The following TTI1 variants were observed in gnomAD, a reference collection of about 807,000 sequenced individuals.
TTI1 encodes TELO2-interacting protein 1 homolog.
A neutral mutation model predicts 85.4 loss-of-function variants in TTI1; 52 were observed. The observed-to-expected ratio is 0.61, with a 90% CI of 0.49 to 0.77. The LOEUF is 0.77. Among genes scored for constraint, TTI1 ranks in the 30% least tolerant of loss-of-function variants. The pLI, the probability that TTI1 is intolerant of heterozygous loss-of-function variation, is 0.00. For synonymous variants in TTI1, 512 were observed against 503.9 expected (o/e 1.02, Z -0.22); for missense variants, 1,173 against 1,296.0 (o/e 0.91, Z 1.46).
chr20:38,015,559 G>A (rs2073670745), intron 1 of TTI1, among the ~76,000 whole-genome samples: 1 of 152,100 alleles, frequency 6.6e-6, no homozygotes, highest in African/African-American at 2.4e-5. Context: ...CAGCAGTCAT[G>A]GGTAGAAAAA....
intron 3 of TTI1, among the ~76,000 whole-genome samples, chr20:38,005,547 T>C (rs2073484036): frequency 2.0e-5 from 3 of 152,180 alleles, no homozygotes; most frequent in Admixed American, 2.0e-4. Context: ...ACCTCACTGG[T>C]AATCAAAGAA....
At chr20:37,987,381 C>A (rs998303581) in intron 7 of TTI1, 4 of 456,492 alleles carry the variant, frequency 8.8e-6, no homozygotes, top group Non-Finnish European at 1.8e-5. Context: ...ATACATTTTG[C>A]GATGCGCAGG....
chr20:37,998,247 GCA>G (rs1317148091), intron 5 of TTI1, among the ~76,000 whole-genome samples: 1 of 142,760 alleles, frequency 7.0e-6, no homozygotes, highest in Non-Finnish European at 1.5e-5. Context: ...TCTTTCTTTG[GCA>G]CACATACATA....
intron 4 of TTI1, chr20:38,000,339 G>T (rs757680661): frequency 1.9e-5 from 3 of 154,726 alleles, no homozygotes; most frequent in Non-Finnish European, 1.5e-5. Context: ...AAAGGGTTAG[G>T]CTACCCTACA....
chr20:37,999,355 G>T, intron 4 of TTI1, 27 bp from the exon 5 acceptor site: 1 of 1,360,550 alleles, frequency 7.3e-7, no homozygotes, highest in South Asian at 2.1e-5. Flanking sequence ...TTCAGCAGAT[G>T]GTATAGGCTT....
rs767985609 is a variant in TTI1 at position 38,012,106 on chromosome 20, A to T, written c.1711T>A (p.Tyr571Asn). The T allele has an allele frequency of 6.2e-7, 1 of 1,614,154 alleles. No homozygotes were observed. The highest frequency in any genetic ancestry group is 8.5e-7 in the Non-Finnish European group (1 of 1,180,030). ...LEEYTSQENW[Y>N]LVTCLETEEM... ...TCAGTTTCAAGACAGGTAACCAAATACCAATTTTCTTGACTTGTGTATTCT... is the reference window on the plus strand; with the variant it reads ...TCAGTTTCAAGACAGGTAACCAAATTCCAATTTTCTTGACTTGTGTATTCT... Residue 571 changes from tyrosine (Y) to asparagine (N), a missense_variant, in exon 2 of 8, where the codon TAT becomes AAT. Transcript: ENST00000373447.
chr20:38,031,409 G>A (rs1429511919), intron 1 of TTI1, among the ~76,000 whole-genome samples: 1 of 152,138 alleles, frequency 6.6e-6, no homozygotes, highest in African/African-American at 2.4e-5. Context: ...TATAAACTTG[G>A]TTTTCCCTCT....
intron 1 of TTI1, chr20:38,018,948 G>A (rs557755324): frequency 6.6e-6 from 1 of 152,104 alleles, no homozygotes; most frequent in South Asian, 2.1e-4. Context: ...CCAGGAGTTT[G>A]AAACCAACCT....
At chr20:38,007,657 C>T (rs1301884507) in intron 2 of TTI1, among the ~76,000 whole-genome samples, 1 of 152,222 alleles carries the variant, frequency 6.6e-6, no homozygotes, top group Non-Finnish European at 1.5e-5. Context: ...CCTCCTTTTG[C>T]AGACAGCTGG....
Position 37,983,290 on chromosome 20 carries a change from A to T in TTI1, c.*166T>A. 1 of 659,654 alleles carries T rather than the reference A, an allele frequency of 1.5e-6. No homozygotes were observed. Among genetic ancestry groups the T allele is most frequent in the East Asian group, 3.0e-5 (1 of 33,530 alleles). The allele number at this position is 659,654 out of a possible 1,614,324, so 40.9% of individuals were successfully genotyped here. ...AAATAATAGTCAGCTACTTTCCTTCAATCCATTTCTAAGCAGTTGTGTGAT... is the reference window on the plus strand; with the variant it reads ...AAATAATAGTCAGCTACTTTCCTTCTATCCATTTCTAAGCAGTTGTGTGAT... On this transcript the variant is annotated 3_prime_UTR_variant, in exon 8 of 8. Coordinates refer to ENST00000373447, the MANE Select transcript of TTI1 (RefSeq NM_001303457.2).
rs2273350 is a variant in TTI1 at position 37,999,093 on chromosome 20, A to G, written c.2793+95T>C. The G allele has an allele frequency of 1.1e-4, 144 of 1,261,760 alleles. No individual in the cohort carries two copies. In the East Asian group the frequency reaches 4.0e-3, roughly 35 times the overall value. 78.2% of individuals were successfully genotyped at this position (1,261,760 alleles called of 1,614,324 possible). A position where few individuals can be genotyped will look rare whatever the true frequency, so the allele number is the denominator to read the frequency against. ...TTTCTTCACAGTATGTGACATTGCA[A>G]TCGGGTGAAGAGAACCAATCCAAAA... On this transcript the variant is annotated intron_variant, in intron 5 of 7. Transcript: ENST00000373447.
chr20:38,026,911 A>G (rs188696533), intron 1 of TTI1, among the ~76,000 whole-genome samples: 1 of 152,336 alleles, frequency 6.6e-6, no homozygotes. Flanking sequence ...GAGTAAAGAG[A>G]CATAAAAGGA....
At position 38,011,796 on chromosome 20, in the gene TTI1, G is replaced by A. The variant is rs760836587; in HGVS notation, c.2021C>T (p.Thr674Ile). 4 of 1,614,106 alleles carry A rather than the reference G, an allele frequency of 2.5e-6. No individual in the cohort carries two copies. The highest frequency in any genetic ancestry group is 1.7e-5 in the Admixed American group (1 of 60,008). The change falls in exon 2 of 8, where the codon ACC becomes ATC. Residue 674 changes from threonine (T) to isoleucine (I), a missense_variant. Thr to Ile is a moderately conservative substitution (Grantham distance 89). Coordinates refer to ENST00000373447, the MANE Select transcript of TTI1 (RefSeq NM_001303457.2). ...ACAAGCACGGCAAACGTCCATCATG[G>A]TGCTGGTAGCCACCTGACTAATGAG... ...TLLISQVATS[T>I]MMDVCRACGY...
At chr20:37,999,093 A>T in intron 5 of TTI1, 95 bp downstream of exon 5, 2 of 1,261,762 alleles carry the variant, frequency 1.6e-6, no homozygotes, top group Non-Finnish European at 2.0e-6. Context: ...TGACATTGCA[A>T]TCGGGTGAAG....
Position 37,996,760 on chromosome 20 carries a change from C to T in TTI1, c.2987G>A (p.Arg996Lys), listed in dbSNP as rs2073346880. Residue 996 changes from arginine to lysine, a missense_variant, in exon 6 of 8, where the codon AGA becomes AAA. Physicochemically the swap from Arg to Lys is conservative, Grantham distance 26. Transcript: ENST00000373447. ...TGCCTGGTACCCACCTAGGTCCAGT[C>T]TCTCACAGAGGGGGCCCAGGCCCTG... ...VLQGLGPLCE[R>K]LDLGEGDLNK... 1 of 1,609,864 alleles carries T rather than the reference C, an allele frequency of 6.2e-7. No homozygotes were observed. Among genetic ancestry groups the T allele is most frequent in the African/African-American group, 1.3e-5 (1 of 74,874 alleles).
chr20:38,014,564 C>G (rs1415531110), intron 1 of TTI1, among the ~76,000 whole-genome samples: 1 of 152,070 alleles, frequency 6.6e-6, no homozygotes, highest in African/African-American at 2.4e-5. Context: ...AGGATCAGAA[C>G]TGGGTGAGAC....
intron 7 of TTI1, among the ~76,000 whole-genome samples, chr20:37,990,841 G>A (rs564697132): frequency 8.5e-4 from 130 of 152,264 alleles, no homozygotes; most frequent in Non-Finnish European, 1.6e-3. Flanking sequence ...CACACCCCAC[G>A]CTTGGCTTTC....
chr20:38,011,227 A>G (rs2073581711), intron 2 of TTI1, among the ~76,000 whole-genome samples: 1 of 152,264 alleles, frequency 6.6e-6, no homozygotes, highest in Admixed American at 6.5e-5. Context: ...GCTAAGTAGG[A>G]TGTCACTGAC....
At chr20:38,018,547 A>G (rs1239115646) in intron 1 of TTI1, among the ~76,000 whole-genome samples, 1 of 152,088 alleles carries the variant, frequency 6.6e-6, no homozygotes, top group African/African-American at 2.4e-5. Flanking sequence ...TAAAATGTTC[A>G]AAACAAATGA....
Sources: allele counts gnomAD v4.1 joint callset (sites outside exome capture counted in the v4.1 genomes callset), GRCh38; gene constraint gnomAD v4.1.1; transcripts MANE v1.5; gene names NCBI Gene and HGNC (gene_info 2026-07-23, HGNC 2026-07-21).